Variants in NEO1 observed in about 807,000 individuals in gnomAD.
The protein encoded by NEO1 is neogenin.
In NEO1, 63 loss-of-function variants were observed where a neutral mutation model predicts 159.7. The observed-to-expected ratio is 0.39, with a 90% CI of 0.32 to 0.49. NEO1 has a LOEUF of 0.49. Among genes scored for constraint, NEO1 ranks in the 20% least tolerant of loss-of-function variants. The pLI is 0.85. For missense variants in NEO1, 1,615 were observed against 1,831.0 expected, an observed-to-expected ratio of 0.88 and a Z score of 2.15; for synonymous variants, 633 against 662.0, an observed-to-expected ratio of 0.96 and a Z score of 0.67.
At chr15:73,271,027 T>G (rs995417451) in intron 18 of NEO1, among the ~76,000 whole-genome samples, 3 of 152,236 alleles carry the variant, frequency 2.0e-5, no homozygotes, top group African/African-American at 7.2e-5. Flanking sequence ...AGTCTAGGGA[T>G]ATGCATAACC....
chr15:73,266,489 A>G (rs905456611), intron 16 of NEO1, 78 bp downstream of exon 16: 43 of 1,055,874 alleles, frequency 4.1e-5, no homozygotes, highest in Non-Finnish European at 4.8e-5. Flanking sequence ...GGCCTATCCC[A>G]TAGGTGTTAG....
Position 73,277,509 on chromosome 15 carries a change from A to T in NEO1, c.3194-622A>T, listed in dbSNP as rs564905015. On this transcript the variant is annotated intron_variant, in intron 21 of 28. Coordinates refer to ENST00000261908, the MANE Select transcript of NEO1 (RefSeq NM_002499.4). ...TTAGGAGACAGTGTCTTTTTGAGCA[A>T]CTAGGAGGAAGACTGTTTTTTTCAG... 5.5e-4 allele frequency among the ~76,000 whole-genome samples: 83 copies of T among 152,292 alleles called. 2 individuals carry two copies. The highest frequency in any genetic ancestry group is 1.9e-3 in the African/African-American group (81 of 41,560).
chr15:73,144,387 A>G (rs1269763488), intron 5 of NEO1, among the ~76,000 whole-genome samples: 1 of 151,472 alleles, frequency 6.6e-6, no homozygotes, highest in Non-Finnish European at 1.5e-5. Flanking sequence ...TGCTTTAAAA[A>G]CTCTTACACA....
At chr15:73,147,514 G>A (rs1422218439) in intron 5 of NEO1, among the ~76,000 whole-genome samples, 1 of 152,218 alleles carries the variant, frequency 6.6e-6, no homozygotes, top group African/African-American at 2.4e-5. Context: ...TGCTTGCTGG[G>A]CTCCTGCCTA....
intron 7 of NEO1, among the ~76,000 whole-genome samples, chr15:73,192,691 T>C (rs1479901579): frequency 6.6e-6 from 1 of 151,970 alleles, no homozygotes; most frequent in African/African-American, 2.4e-5. Context: ...ATATCCAATT[T>C]ATATTATTAA....
At chr15:73,295,817 C>T (rs2042342752) in intron 26 of NEO1, among the ~76,000 whole-genome samples, 1 of 152,204 alleles carries the variant, frequency 6.6e-6, no homozygotes, top group African/African-American at 2.4e-5. Flanking sequence ...GGAGCATTCA[C>T]TATGTCACCA....
chr15:73,142,965 C>A (rs2032545329), intron 5 of NEO1, among the ~76,000 whole-genome samples: 1 of 152,140 alleles, frequency 6.6e-6, no homozygotes, highest in African/African-American at 2.4e-5. Context: ...TGAATCATCA[C>A]CCCAAAGTGA....
intron 7 of NEO1, among the ~76,000 whole-genome samples, chr15:73,210,371 A>C (rs1010864704): frequency 6.6e-6 from 1 of 152,316 alleles, no homozygotes; most frequent in Middle Eastern, 3.4e-3. Context: ...CTTTTGTTCA[A>C]GAATCCAGAA....
At chr15:73,175,583 ATTG>A (rs746000043) in intron 5 of NEO1, among the ~76,000 whole-genome samples, 4 of 152,288 alleles carry the variant, frequency 2.6e-5, no homozygotes, top group East Asian at 3.9e-4. Flanking sequence ...TGTCGTTGCC[ATTG>A]TTGTTGTTAT....
intron 5 of NEO1, among the ~76,000 whole-genome samples, chr15:73,137,585 C>G (rs995496220): frequency 6.6e-6 from 1 of 152,158 alleles, no homozygotes; most frequent in African/African-American, 2.4e-5. Context: ...CAGCCTCGAC[C>G]TCCTGGGTTC....
At chr15:73,270,852 TA>T (rs2041133194) in intron 18 of NEO1, among the ~76,000 whole-genome samples, 2 of 152,224 alleles carry the variant, frequency 1.3e-5, no homozygotes, top group Non-Finnish European at 2.9e-5. Context: ...ATTAGCGTCT[TA>T]TAAAATCTTC....
intron 1 of NEO1, among the ~76,000 whole-genome samples, chr15:73,095,138 G>A (rs2069934296): frequency 6.6e-6 from 1 of 151,876 alleles, no homozygotes; most frequent in Non-Finnish European, 1.5e-5. Context: ...GAACCCAGGA[G>A]GCAGAGGTTG....
In NEO1 at chr15:73,257,385, A is replaced by C. The variant is rs2040420248; in HGVS notation, c.2093-1381A>C. Among the ~76,000 whole-genome samples, 4 of 152,088 alleles carry C rather than the reference A, an allele frequency of 2.6e-5. No homozygotes were observed. In the South Asian group the frequency reaches 8.3e-4, roughly 32 times the overall value. ...GGTAAAAATGGCTTTATATTAAGAA[A>C]ATTCTTACATTTTAAAATCATATCT... On this transcript the variant is annotated intron_variant, in intron 13 of 28. Transcript: ENST00000261908.
intron 1 of NEO1, among the ~76,000 whole-genome samples, chr15:73,111,091 T>G (rs944532058): frequency 6.6e-6 from 1 of 152,162 alleles, no homozygotes; most frequent in Non-Finnish European, 1.5e-5. Flanking sequence ...CCCTGTACGC[T>G]CTCTGCTCTC....
intron 7 of NEO1, among the ~76,000 whole-genome samples, chr15:73,194,968 A>G (rs2036455599): frequency 6.6e-6 from 1 of 152,194 alleles, no homozygotes; most frequent in Non-Finnish European, 1.5e-5. Context: ...GATAGCTTTG[A>G]AGAGGTAGAC....
chr15:73,276,738 G>A (rs967739874), intron 21 of NEO1, among the ~76,000 whole-genome samples: 1 of 152,120 alleles, frequency 6.6e-6, no homozygotes, highest in Admixed American at 6.5e-5. Context: ...TCATTTCATT[G>A]AATATATGTA....
intron 19 of NEO1, 103 bp from the exon 20 acceptor site, chr15:73,273,708 T>C (rs1398724448): frequency 2.5e-6 from 2 of 808,494 alleles, no homozygotes; most frequent in Non-Finnish European, 3.9e-6. Context: ...ATTCAAATAT[T>C]ATGCTATAAT....
chr15:73,186,467 A>G (rs1404270645), intron 7 of NEO1, among the ~76,000 whole-genome samples: 1 of 152,220 alleles, frequency 6.6e-6, no homozygotes, highest in Admixed American at 6.5e-5. Context: ...AAGAAATGTG[A>G]AAGGAGAAAA....
intron 7 of NEO1, among the ~76,000 whole-genome samples, chr15:73,194,710 C>G (rs556465610): frequency 1.3e-5 from 2 of 152,066 alleles, no homozygotes; most frequent in South Asian, 4.2e-4. Context: ...AACATCCAGA[C>G]GATATCAGGC....
Sources: allele counts gnomAD v4.1 joint callset (sites outside exome capture counted in the v4.1 genomes callset), GRCh38; gene constraint gnomAD v4.1.1; transcripts MANE v1.5; gene names NCBI Gene and HGNC (gene_info 2026-07-23, HGNC 2026-07-21).